TMEM154: variants seen among roughly 807,000 people sequenced by gnomAD.
TMEM154 encodes the protein transmembrane protein 154.
A neutral mutation model predicts 24.5 loss-of-function variants in TMEM154; 27 were observed. The observed-to-expected ratio is 1.10, with a 90% confidence interval of 0.81 to 1.52. The LOEUF (loss-of-function observed/expected upper bound fraction) is 1.52, where lower values mean the gene tolerates loss of function less well. Ranked by LOEUF, TMEM154 falls within the 40% of genes most tolerant of loss-of-function variation. The pLI is 0.00. For missense variants in TMEM154, 228 were observed against 213.4 expected (o/e 1.07, Z -0.43); for synonymous variants, 67 against 76.8 (o/e 0.87, Z 0.67).
Position 152,649,847 on chromosome 4 carries a change from G to C in TMEM154, c.364+2691C>G, listed in dbSNP as rs992022024. Among the ~76,000 whole-genome samples, 3 of 152,216 alleles carry C rather than the reference G, an allele frequency of 2.0e-5. No homozygotes were observed. In the East Asian group the frequency reaches 5.8e-4, roughly 29 times the overall value. On this transcript the variant is annotated intron_variant, in intron 3 of 6. Coordinates refer to ENST00000304385, the MANE Select transcript of TMEM154 (RefSeq NM_152680.3). The stretch of plus-strand genomic sequence containing the variant: ...TTCAGGTCCAGACCACTGCAATAAA[G>C]TGAGTATTGCAATAAAGCAAGTCAC...
At position 152,675,422 on chromosome 4, in the gene TMEM154, G is replaced by A. The variant is rs538446326; in HGVS notation, c.64+4448C>T. Among the ~76,000 whole-genome samples the A allele has an allele frequency of 1.2e-3, 178 of 152,214 alleles. 1 individual carries two copies. Among genetic ancestry groups the A allele is most frequent in the Non-Finnish European group, 1.8e-3 (125 of 67,996 alleles). ...GAGGGTGGATCTCCTGCGGTCGCGA[G>A]TTTGAGACCAGCCTGACCAACATGG... On this transcript the variant is annotated intron_variant, in intron 1 of 6. Coordinates refer to ENST00000304385, the MANE Select transcript of TMEM154 (RefSeq NM_152680.3).
intron 6 of TMEM154, among the ~76,000 whole-genome samples, chr4:152,632,991 T>A (rs1391862601): frequency 6.6e-6 from 1 of 152,046 alleles, no homozygotes; most frequent in Admixed American, 6.5e-5. Flanking sequence ...ATGTTAGTAA[T>A]CCTTATTTTG....
intron 6 of TMEM154, among the ~76,000 whole-genome samples, chr4:152,629,805 CATAG>C (rs1024915658): frequency 3.3e-5 from 5 of 152,228 alleles, no homozygotes; most frequent in Admixed American, 1.3e-4. Flanking sequence ...CTGAGACACA[CATAG>C]ATAGATAGAC....
At chr4:152,660,524 A>G (rs1728581288) in intron 1 of TMEM154, among the ~76,000 whole-genome samples, 1 of 151,950 alleles carries the variant, frequency 6.6e-6, no homozygotes, top group South Asian at 2.1e-4. Flanking sequence ...TTTTGTCCTC[A>G]CCATTTTTTC....
At chr4:152,630,618 CA>C (rs1233351091) in intron 6 of TMEM154, among the ~76,000 whole-genome samples, 1 of 152,172 alleles carries the variant, frequency 6.6e-6, no homozygotes, top group Non-Finnish European at 1.5e-5. Context: ...AGCTGAACAA[CA>C]AAGGCAAAGC....
intron 1 of TMEM154, among the ~76,000 whole-genome samples, chr4:152,653,492 C>T (rs1356331724): frequency 6.6e-6 from 1 of 150,526 alleles, no homozygotes; most frequent in Non-Finnish European, 1.5e-5. Context: ...TGGGTTCAAG[C>T]AATTCTCGTG....
chr4:152,645,641 C>A (rs79829063), intron 3 of TMEM154, among the ~76,000 whole-genome samples: 8,812 of 152,248 alleles, frequency 0.058, 291 homozygotes, highest in Non-Finnish European at 0.082. Context: ...ATCCTTGGCA[C>A]TTAAAGGCCT....
chr4:152,670,527 C>T (rs913232777), intron 1 of TMEM154, among the ~76,000 whole-genome samples: 1 of 151,924 alleles, frequency 6.6e-6, no homozygotes, highest in African/African-American at 2.4e-5. Context: ...ACCCGGGAGC[C>T]GGAGGTTGCA....
intron 3 of TMEM154, chr4:152,647,139 T>C: frequency 2.0e-6 from 3 of 1,480,372 alleles, no homozygotes; most frequent in Non-Finnish European, 2.7e-6. Flanking sequence ...CATTGTCAAA[T>C]TTAAAGACTT....
intron 1 of TMEM154, among the ~76,000 whole-genome samples, chr4:152,676,283 G>A (rs1406261385): frequency 6.6e-6 from 1 of 152,158 alleles, no homozygotes; most frequent in African/African-American, 2.4e-5. Context: ...CCACCGCAAA[G>A]CCTAGCCAAG....
In TMEM154 at chr4:152,669,535, G is replaced by A. The variant is rs540233246; in HGVS notation, c.64+10335C>T. On this transcript the variant is annotated intron_variant, in intron 1 of 6. Transcript: ENST00000304385. ...AAGGACATCCTTATACTAAAGGAAA[G>A]CATTGCTTATCTGAAATTCACATTT... The A allele has an allele frequency of 2.6e-5, 4 of 152,212 alleles. No homozygotes were observed. In the East Asian group the frequency reaches 7.7e-4, roughly 29 times the overall value. 9.4% of individuals were successfully genotyped at this position (152,212 alleles called of 1,614,324 possible).
chr4:152,675,708 C>G (rs373577046), intron 1 of TMEM154, among the ~76,000 whole-genome samples: 2 of 152,158 alleles, frequency 1.3e-5, no homozygotes, highest in African/African-American at 4.8e-5. Flanking sequence ...ATGGCTTGAC[C>G]GTCAAGATAG....
At chr4:152,640,814 G>A (rs1752240697) in intron 6 of TMEM154, 114 bp downstream of exon 6, 5 of 855,758 alleles carry the variant, frequency 5.8e-6, no homozygotes, top group Non-Finnish European at 9.3e-6. Flanking sequence ...CCGCGTAAAT[G>A]ATCTCATACG....
intron 3 of TMEM154, among the ~76,000 whole-genome samples, chr4:152,648,631 G>A (rs1362580902): frequency 6.6e-6 from 1 of 152,210 alleles, no homozygotes; most frequent in Non-Finnish European, 1.5e-5. Context: ...CAAGTTCTGG[G>A]AATAGCAAAT....
At chr4:152,663,290 T>G (rs1728652159) in intron 1 of TMEM154, among the ~76,000 whole-genome samples, 1 of 152,306 alleles carries the variant, frequency 6.6e-6, no homozygotes, top group East Asian at 1.9e-4. Context: ...GCTACTTTAC[T>G]TCCTTATCTA....
chr4:152,635,990 T>C (rs1377229133), intron 6 of TMEM154, among the ~76,000 whole-genome samples: 3 of 152,198 alleles, frequency 2.0e-5, no homozygotes, highest in African/African-American at 7.2e-5. Context: ...TGGTTATTCA[T>C]CTGAGATTGC....
intron 6 of TMEM154, among the ~76,000 whole-genome samples, chr4:152,634,218 T>C (rs1752105808): frequency 6.6e-6 from 1 of 152,150 alleles, no homozygotes; most frequent in Admixed American, 6.5e-5. Flanking sequence ...AATACCTTGT[T>C]TCATAATTGC....
At chr4:152,645,592 C>T (rs1198582655) in intron 3 of TMEM154, among the ~76,000 whole-genome samples, 5 of 152,216 alleles carry the variant, frequency 3.3e-5, no homozygotes, top group Non-Finnish European at 7.3e-5. Flanking sequence ...GAAAAGCAAA[C>T]CACTTTGTAG....
chr4:152,676,066 A>C (rs1355258147), intron 1 of TMEM154, among the ~76,000 whole-genome samples: 1 of 152,182 alleles, frequency 6.6e-6, no homozygotes, highest in Non-Finnish European at 1.5e-5. Context: ...CCACACCCTG[A>C]AGCCTCTTAC....
Sources: gnomAD v4.1 joint callset for allele counts (sites outside exome capture counted in the v4.1 genomes callset) on GRCh38, gnomAD v4.1.1 for gene constraint, MANE v1.5 for transcripts, NCBI Gene and HGNC (gene_info 2026-07-23, HGNC 2026-07-21) for gene names.